Variants in BSPH1 observed in about 807,000 individuals in gnomAD.
BSPH1 encodes binder of sperm 1.
A neutral mutation model predicts 22.5 loss-of-function variants in BSPH1; 21 were observed. The ratio of observed to expected loss-of-function variants is 0.93; its 90% CI spans 0.66 to 1.35. BSPH1 has a LOEUF of 1.35. Ranked by LOEUF, BSPH1 falls within the 40% of genes most tolerant of loss-of-function variation. BSPH1 has a pLI of 0.00. For synonymous variants in BSPH1, 42 were observed against 53.6 expected (o/e 0.78, Z 0.95); for missense variants, 141 against 154.2 (o/e 0.91, Z 0.45).
In BSPH1 at chr19:47,974,238, T is replaced by C. The variant is rs1443722368; in HGVS notation, c.*2+2472A>G. Among the ~76,000 whole-genome samples the C allele has an allele frequency of 2.7e-5, 4 of 150,616 alleles. No individual in the cohort carries two copies. The East Asian group carries it at 7.8e-4, about 29-fold the overall frequency. On this transcript the variant is annotated intron_variant, in intron 5 of 5. Transcript: ENST00000344839. ...AATTCCCTTGGCTCCCATGGATTGG[T>C]CACTTCCACAGCCACTTTCTCTCTC... is the stretch of plus-strand genomic sequence containing the variant.
chr19:47,977,303 G>A (rs1568396588), intron 4 of BSPH1, 70 bp downstream of exon 4: 3 of 1,208,182 alleles, frequency 2.5e-6, no homozygotes, highest in Non-Finnish European at 3.5e-6. Flanking sequence ...ACCCTCTTGT[G>A]TTTTGCCTCA....
Position 47,988,476 on chromosome 19 carries a change from T to G in BSPH1, c.73+3533A>C, listed in dbSNP as rs115662629. On this transcript the variant is annotated intron_variant, in intron 1 of 5. Transcript: ENST00000344839. ...AACCCGGAGATGCTGGAGGGAAAAC[T>G]GGTCTCCTGAGCTTGCCAGGAGCAG... is the stretch of plus-strand genomic sequence containing the variant. Among the ~76,000 whole-genome samples the G allele has an allele frequency of 2.3e-3, 348 of 152,134 alleles. 2 individuals carry two copies. Among genetic ancestry groups the G allele is most frequent in the African/African-American group, 7.8e-3 (326 of 41,542 alleles).
chr19:47,968,702 A>AAAAC (rs1969281279), intron 5 of BSPH1, among the ~76,000 whole-genome samples: 1 of 149,550 alleles, frequency 6.7e-6, no homozygotes. Context: ...AAAAAAAAAA[A>AAAAC]AGAAATCACT....
chr19:47,977,742 C>G (rs1270090380), intron 3 of BSPH1: 1 of 942,910 alleles, frequency 1.1e-6, no homozygotes, highest in Non-Finnish European at 1.3e-6. Context: ...CAAAATTTTG[C>G]TTAGCATTTG....
intron 5 of BSPH1, among the ~76,000 whole-genome samples, chr19:47,974,910 C>T (rs1008413598): frequency 3.3e-5 from 5 of 152,156 alleles, no homozygotes; most frequent in Non-Finnish European, 5.9e-5. Flanking sequence ...GACCATGACA[C>T]ACCTACCCCA....
intron 5 of BSPH1, among the ~76,000 whole-genome samples, chr19:47,971,660 G>T (rs1969312280): frequency 6.6e-6 from 1 of 152,110 alleles, no homozygotes. Flanking sequence ...TAGGAACTTT[G>T]ACTTGATGTT....
chr19:47,977,738 T>G (rs1427319344), intron 3 of BSPH1: 1 of 964,102 alleles, frequency 1.0e-6, no homozygotes, highest in Non-Finnish European at 1.2e-6. Context: ...GTCTCAAAAT[T>G]TTGCTTAGCA....
At chr19:47,968,413 A>G (rs1969278410) in intron 5 of BSPH1, among the ~76,000 whole-genome samples, 1 of 145,796 alleles carries the variant, frequency 6.9e-6, no homozygotes, top group East Asian at 2.0e-4. Flanking sequence ...ACTGGAATGT[A>G]GTGCTGCAAT....
intron 5 of BSPH1, among the ~76,000 whole-genome samples, chr19:47,975,782 A>T (rs1969356565): frequency 6.6e-6 from 1 of 151,192 alleles, no homozygotes; most frequent in Admixed American, 6.6e-5. Context: ...CAGCCTCCTG[A>T]GTAGCTGGGA....
chr19:47,985,072 A>G (rs1265806858), intron 1 of BSPH1, among the ~76,000 whole-genome samples: 3 of 136,186 alleles, frequency 2.2e-5, no homozygotes, highest in Non-Finnish European at 4.7e-5. Context: ...TGAAAAAAAA[A>G]AAAAAAGAAA....
At chr19:47,983,406 T>A (rs938167771) in intron 1 of BSPH1, among the ~76,000 whole-genome samples, 18 of 152,126 alleles carry the variant, frequency 1.2e-4, no homozygotes, top group South Asian at 2.1e-4. Context: ...GGAAATGGAT[T>A]TTGGTTTTGA....
At chr19:47,989,110 T>TGTA (rs1555732642) in intron 1 of BSPH1, among the ~76,000 whole-genome samples, 1 of 138,426 alleles carries the variant, frequency 7.2e-6, no homozygotes, top group Non-Finnish European at 1.5e-5. Context: ...AAGTCACCGT[T>TGTA]TTATTATTAT....
At chr19:47,975,695 A>G (rs1409832329) in intron 5 of BSPH1, among the ~76,000 whole-genome samples, 3 of 140,130 alleles carry the variant, frequency 2.1e-5, no homozygotes, top group African/African-American at 8.1e-5. Flanking sequence ...TCGCTCTGAC[A>G]CCCAGGCTGG....
intron 1 of BSPH1, among the ~76,000 whole-genome samples, chr19:47,991,594 CCCT>C (rs145749213): frequency 0.17 from 11,137 of 63,814 alleles, 1,382 homozygotes; most frequent in Non-Finnish European, 0.23. Context: ...CTCTGTCTCC[CCCT>C]CCTCCTCCTC....
chr19:47,980,477 C>CT (rs11363158), intron 2 of BSPH1: 2,859 of 204,220 alleles, frequency 0.014, 16 homozygotes, highest in Middle Eastern at 0.039. Context: ...CTTCTTCTTT[C>CT]TTTTTTTTTT....
intron 1 of BSPH1, among the ~76,000 whole-genome samples, chr19:47,983,940 G>A (rs1339747564): frequency 2.0e-5 from 3 of 151,600 alleles, no homozygotes; most frequent in Admixed American, 2.0e-4. Flanking sequence ...GGGTTCCAGG[G>A]AGTCTTCTGC....
intron 1 of BSPH1, among the ~76,000 whole-genome samples, chr19:47,983,793 A>G (rs1376556364): frequency 6.6e-6 from 1 of 152,126 alleles, no homozygotes; most frequent in Non-Finnish European, 1.5e-5. Context: ...TGATACAACA[A>G]AGTTAAAAAG....
chr19:47,984,214 A>C (rs967025611), intron 1 of BSPH1, among the ~76,000 whole-genome samples: 1 of 147,106 alleles, frequency 6.8e-6, no homozygotes, highest in African/African-American at 2.5e-5. Flanking sequence ...ATTATACATA[A>C]AATATAAATA....
At chr19:47,980,893 G>T in intron 2 of BSPH1, 28 bp downstream of exon 2, 1 of 1,361,824 alleles carries the variant, frequency 7.3e-7, no homozygotes, top group Non-Finnish European at 1.0e-6. Flanking sequence ...GAAAAGAAAC[G>T]CTAATAAAAG....
Sources: allele counts gnomAD v4.1 joint callset (sites outside exome capture counted in the v4.1 genomes callset), GRCh38; gene constraint gnomAD v4.1.1; transcripts MANE v1.5; gene names NCBI Gene and HGNC (gene_info 2026-07-23, HGNC 2026-07-21).